The following MSI2 variants were observed in gnomAD, a reference collection of about 807,000 sequenced individuals.
The protein encoded by MSI2 is musashi RNA binding protein 2, also known as RNA-binding protein Musashi homolog 2.
In MSI2, 17 loss-of-function variants were observed where a neutral mutation model predicts 45.6. The observed-to-expected ratio is 0.37, with a 90% confidence interval of 0.26 to 0.56. MSI2 has a LOEUF of 0.56. Among genes scored for constraint, MSI2 ranks in the 20% least tolerant of loss-of-function variants. The pLI is 0.77. For synonymous variants in MSI2, 156 were observed against 158.2 expected, an observed-to-expected ratio of 0.99 and a Z score of 0.11; for missense variants, 293 against 444.2, an observed-to-expected ratio of 0.66 and a Z score of 3.06.
chr17:57,514,651 T>C (rs2086429143), intron 6 of MSI2, among the ~76,000 whole-genome samples: 1 of 27,806 alleles, frequency 3.6e-5, no homozygotes, highest in South Asian at 1.1e-3. Context: ...GAATTGATAC[T>C]TTTTTTTTTT....
At chr17:57,500,722 C>T (rs1411127679) in intron 6 of MSI2, among the ~76,000 whole-genome samples, 1 of 148,496 alleles carries the variant, frequency 6.7e-6, no homozygotes, top group Non-Finnish European at 1.5e-5. Context: ...CCTGTTATCT[C>T]AGTGTTTTGG....
At chr17:57,321,931 G>C (rs1292743042) in intron 5 of MSI2, among the ~76,000 whole-genome samples, 1 of 151,938 alleles carries the variant, frequency 6.6e-6, no homozygotes, top group African/African-American at 2.4e-5. Context: ...CGAGTAGCTG[G>C]GATTACAGGC....
chr17:57,384,415 A>T (rs891567797), intron 5 of MSI2, among the ~76,000 whole-genome samples: 3 of 152,208 alleles, frequency 2.0e-5, no homozygotes, highest in African/African-American at 2.4e-5. Context: ...TCCTTACAAT[A>T]TGGTGGCTTC....
chr17:57,576,828 C>T (rs906282771), intron 7 of MSI2, among the ~76,000 whole-genome samples: 9 of 146,692 alleles, frequency 6.1e-5, no homozygotes, highest in East Asian at 2.0e-4. Context: ...TTGGGCAGGG[C>T]GAGATTTTGA....
intron 6 of MSI2, among the ~76,000 whole-genome samples, chr17:57,459,461 C>T (rs2085181181): frequency 6.6e-6 from 1 of 152,146 alleles, no homozygotes; most frequent in African/African-American, 2.4e-5. Flanking sequence ...TGGTAGGAGG[C>T]CCTGAACTTT....
rs553780194 is a variant in MSI2, at chr17:57,429,122, G to A, written c.405+27651G>A. Among the ~76,000 whole-genome samples the A allele has an allele frequency of 2.6e-4, 40 of 152,146 alleles. 1 individual carries two copies. The highest frequency in any genetic ancestry group is 2.4e-3 in the Admixed American group (37 of 15,280). ...AGCTAGTGGTCCTTCCTGGATCTGC[G>A]TGTCCTCAGTCTAACCCCTGCAGAT... On this transcript the variant is annotated intron_variant, in intron 6 of 13. Coordinates refer to ENST00000284073, the MANE Select transcript of MSI2 (RefSeq NM_138962.4).
intron 6 of MSI2, among the ~76,000 whole-genome samples, chr17:57,414,392 ATT>A (rs202045087): frequency 5.5e-5 from 8 of 146,332 alleles, no homozygotes; most frequent in Admixed American, 3.4e-4. Flanking sequence ...TAAAATTAGG[ATT>A]TTTTTTTTTT....
In MSI2 at chr17:57,304,770, C is replaced by T. The variant is rs527890845; in HGVS notation, c.312+42578C>T. ...ACCCAGAATTCCTCCCTGAGATTCACTATTTGTCAGTAGTCTTAAGCTATT... is the reference window on the plus strand; with the variant it reads ...ACCCAGAATTCCTCCCTGAGATTCATTATTTGTCAGTAGTCTTAAGCTATT... On this transcript the variant is annotated intron_variant, in intron 5 of 13. Transcript: ENST00000284073. 7.2e-5 allele frequency among the ~76,000 whole-genome samples: 11 copies of T among 152,242 alleles called. No homozygotes were observed. The East Asian group carries it at 2.1e-3, about 29-fold the overall frequency.
At chr17:57,655,381 C>A (rs574776609) in intron 11 of MSI2, among the ~76,000 whole-genome samples, 4 of 152,166 alleles carry the variant, frequency 2.6e-5, no homozygotes, top group Non-Finnish European at 4.4e-5. Flanking sequence ...AAGCCTCCCC[C>A]GACAGGTGAG....
At chr17:57,534,034 C>T (rs536120573) in intron 7 of MSI2, among the ~76,000 whole-genome samples, 1 of 152,332 alleles carries the variant, frequency 6.6e-6, no homozygotes, top group African/African-American at 2.4e-5. Context: ...TAGAAACAGC[C>T]AACACTTTCT....
chr17:57,292,960 C>G (rs1489955097), intron 5 of MSI2, among the ~76,000 whole-genome samples: 1 of 152,124 alleles, frequency 6.6e-6, no homozygotes, highest in Non-Finnish European at 1.5e-5. Context: ...GAGAGTTCTT[C>G]CCAGTACCAA....
At chr17:57,335,468 T>C (rs1914629537) in intron 5 of MSI2, among the ~76,000 whole-genome samples, 1 of 152,246 alleles carries the variant, frequency 6.6e-6, no homozygotes, top group East Asian at 1.9e-4. Flanking sequence ...TGGCAGATTT[T>C]TTGTTACAAC....
At chr17:57,557,393 A>G (rs1289819058) in intron 7 of MSI2, among the ~76,000 whole-genome samples, 1 of 152,250 alleles carries the variant, frequency 6.6e-6, no homozygotes, top group Non-Finnish European at 1.5e-5. Context: ...TGGAGTCTTC[A>G]GGGTCTGCCC....
intron 6 of MSI2, chr17:57,522,727 T>G (rs1248714636): frequency 6.6e-6 from 1 of 152,154 alleles, no homozygotes; most frequent in Non-Finnish European, 1.5e-5. Context: ...TGGTCCTCAG[T>G]GAGATCCTGG....
At chr17:57,506,223 G>A (rs923532677) in intron 6 of MSI2, among the ~76,000 whole-genome samples, 6 of 152,262 alleles carry the variant, frequency 3.9e-5, no homozygotes, top group South Asian at 2.1e-4. Flanking sequence ...TCCCTGCTCC[G>A]GCTCTTTCTC....
chr17:57,478,464 T>G (rs543126884), intron 6 of MSI2, among the ~76,000 whole-genome samples: 1 of 152,328 alleles, frequency 6.6e-6, no homozygotes, highest in African/African-American at 2.4e-5. Context: ...ATATCTTAGT[T>G]TCTTTTCTCA....
At chr17:57,690,896 A>G in the MSI2 span, among the ~76,000 whole-genome samples, 17 of 152,154 alleles carry the variant, frequency 1.1e-4, no homozygotes, top group Non-Finnish European at 2.1e-4. Context: ...CTGTTCCACA[A>G]GTTTTATAGT....
chr17:57,318,042 G>A (rs939396714), intron 5 of MSI2, among the ~76,000 whole-genome samples: 2 of 152,158 alleles, frequency 1.3e-5, no homozygotes, highest in Non-Finnish European at 1.5e-5. Context: ...CCAGCTACTC[G>A]GGAGGCCGAG....
At chr17:57,307,385 A>T (rs1276034071) in intron 5 of MSI2, among the ~76,000 whole-genome samples, 2 of 152,050 alleles carry the variant, frequency 1.3e-5, no homozygotes, top group Admixed American at 6.6e-5. Context: ...GCAACATGGA[A>T]ACCCTCCCTG....
Sources: gnomAD v4.1 joint callset for allele counts (sites outside exome capture counted in the v4.1 genomes callset) on GRCh38, gnomAD v4.1.1 for gene constraint, MANE v1.5 for transcripts, NCBI Gene and HGNC (gene_info 2026-07-23, HGNC 2026-07-21) for gene names.